The following LUZP2 variants were observed in gnomAD, a reference collection of about 807,000 sequenced individuals.
LUZP2 encodes leucine zipper protein 2.
Under a neutral mutation model 51.6 loss-of-function variants are expected in LUZP2, and 52 were observed. The ratio of observed to expected loss-of-function variants is 1.01; its 90% CI spans 0.81 to 1.27. LUZP2 has a LOEUF of 1.27. Among genes scored for constraint, LUZP2 ranks in the 50% most tolerant of loss-of-function variants. The probability of loss-of-function intolerance (pLI) is 0.00; values close to 1 mark genes in which losing one functional copy is unlikely to be tolerated. For missense variants in LUZP2, 436 were observed against 395.4 expected (o/e 1.10, Z -0.87); for synonymous variants, 154 against 137.3 (o/e 1.12, Z -0.85).
chr11:24,525,710 C>A lies in LUZP2; in HGVS notation c.62+28405C>A, dbSNP rs371401056. Among the ~76,000 whole-genome samples, 899 of 150,510 alleles carry A rather than the reference C, an allele frequency of 6.0e-3. 2 individuals are homozygous for A. The highest frequency in any genetic ancestry group is 5.1e-3 in the African/African-American group (210 of 41,188). Reference sequence around the variant, plus strand: ...GCAAATTCTCTAATATGTTCTCTCTCTATATATATATATACACAGATATAC... The same window carrying A: ...GCAAATTCTCTAATATGTTCTCTCTATATATATATATATACACAGATATAC... On this transcript the variant is annotated intron_variant, in intron 1 of 11. Coordinates refer to ENST00000336930, the MANE Select transcript of LUZP2 (RefSeq NM_001009909.4).
chr11:24,926,364 TATATATATACGTGTGTATATATATAC>T, intron 7 of LUZP2, among the ~76,000 whole-genome samples: 2 of 57,586 alleles, frequency 3.5e-5, no homozygotes, highest in East Asian at 1.3e-3. Flanking sequence ...TACGTGTGTA[TATATATATACGTGTGTATATATATAC>T]GTGTGTATAT....
At chr11:24,920,790 A>G (rs936160773) in intron 7 of LUZP2, among the ~76,000 whole-genome samples, 1 of 152,008 alleles carries the variant, frequency 6.6e-6, no homozygotes, top group African/African-American at 2.4e-5. Flanking sequence ...GAGTACTCAG[A>G]AGGGTTGTGG....
intron 1 of LUZP2, among the ~76,000 whole-genome samples, chr11:24,669,851 G>T (rs1252234303): frequency 1.3e-5 from 2 of 152,002 alleles, no homozygotes; most frequent in Non-Finnish European, 2.9e-5. Flanking sequence ...AAAGAGAGGA[G>T]AAATATAATT....
chr11:24,536,953 C>T lies in LUZP2; in HGVS notation c.62+39648C>T, dbSNP rs115182821. 8.7e-3 allele frequency among the ~76,000 whole-genome samples: 1,319 copies of T among 151,854 alleles called. 21 individuals carry two copies. Among genetic ancestry groups the T allele is most frequent in the African/African-American group, 0.03 (1,261 of 41,488 alleles). ...ACTAATTAGTCTAATTCCAATATGACTGCTTCTGAGGAAGAGGAAGGCCCA... is the reference window on the plus strand; with the variant it reads ...ACTAATTAGTCTAATTCCAATATGATTGCTTCTGAGGAAGAGGAAGGCCCA... On this transcript the variant is annotated intron_variant, in intron 1 of 11. Transcript: ENST00000336930.
chr11:24,925,362 A>G (rs1012936699), intron 7 of LUZP2, among the ~76,000 whole-genome samples: 2 of 152,164 alleles, frequency 1.3e-5, no homozygotes, highest in African/African-American at 4.8e-5. Flanking sequence ...AGTCCATTCA[A>G]TTGGTCAGGG....
rs1399031294 is a variant in LUZP2, at chr11:24,707,426, A to G, written c.63-21743A>G. ...AACACAGAAAAGCTTAACAGTTGTC[A>G]AATGTTGTTAGATGGACAACTAAAA... On this transcript the variant is annotated intron_variant, in intron 1 of 11. Transcript: ENST00000336930. 4.6e-5 allele frequency among the ~76,000 whole-genome samples: 7 copies of G among 152,126 alleles called. No homozygotes were observed. The East Asian group carries it at 1.2e-3, about 25-fold the overall frequency.
chr11:24,749,839 G>T (rs1859511287), intron 4 of LUZP2, among the ~76,000 whole-genome samples: 1 of 152,082 alleles, frequency 6.6e-6, no homozygotes, highest in Non-Finnish European at 1.5e-5. Context: ...ACAGACTGAA[G>T]GCTGCACTGT....
chr11:24,997,753 G>T (rs1237151880), intron 9 of LUZP2, among the ~76,000 whole-genome samples: 1 of 152,100 alleles, frequency 6.6e-6, no homozygotes, highest in Non-Finnish European at 1.5e-5. Context: ...ATGGTTTTAG[G>T]TCTGACATTT....
At chr11:24,782,050 C>A (rs1485273685) in intron 5 of LUZP2, among the ~76,000 whole-genome samples, 1 of 152,058 alleles carries the variant, frequency 6.6e-6, no homozygotes, top group Non-Finnish European at 1.5e-5. Flanking sequence ...TACTAACAAT[C>A]ATTCAGAGAG....
At chr11:24,549,295 T>C (rs1468246795) in intron 1 of LUZP2, among the ~76,000 whole-genome samples, 1 of 152,132 alleles carries the variant, frequency 6.6e-6, no homozygotes, top group Non-Finnish European at 1.5e-5. Flanking sequence ...TCAATATCAC[T>C]GTCACGCATC....
intron 1 of LUZP2, among the ~76,000 whole-genome samples, chr11:24,678,826 A>C (rs1049064510): frequency 1.3e-5 from 2 of 152,198 alleles, no homozygotes; most frequent in African/African-American, 4.8e-5. Flanking sequence ...AGGTGAATTT[A>C]TTTGTAAGAG....
At chr11:24,584,991 A>G (rs1284755549) in intron 1 of LUZP2, among the ~76,000 whole-genome samples, 2 of 152,186 alleles carry the variant, frequency 1.3e-5, no homozygotes, top group East Asian at 3.9e-4. Context: ...AGTAGATGCT[A>G]TCATTCCTTT....
intron 1 of LUZP2, among the ~76,000 whole-genome samples, chr11:24,531,497 C>A (rs1185277012): frequency 1.3e-5 from 2 of 150,772 alleles, no homozygotes; most frequent in African/African-American, 2.4e-5. Context: ...ATCATAGTCA[C>A]CCTATAGTGC....
intron 1 of LUZP2, among the ~76,000 whole-genome samples, chr11:24,696,079 A>G (rs1024643447): frequency 1.3e-5 from 2 of 152,144 alleles, no homozygotes; most frequent in African/African-American, 4.8e-5. Context: ...TAGACCTTGC[A>G]CACAAGGCTT....
At chr11:24,627,641 T>C (rs1349699935) in intron 1 of LUZP2, among the ~76,000 whole-genome samples, 1 of 152,184 alleles carries the variant, frequency 6.6e-6, no homozygotes, top group East Asian at 1.9e-4. Flanking sequence ...GTGTTCTGTT[T>C]GCAAAACCCA....
rs182160102 is a variant in LUZP2, at chr11:25,050,530, G to T, written c.858+400G>T. On this transcript the variant is annotated intron_variant, in intron 10 of 11. Coordinates refer to ENST00000336930, the MANE Select transcript of LUZP2 (RefSeq NM_001009909.4). ...CGTGTTAACCAGGCTGGTCTTGATC[G>T]CCTGACCTCGTGATCCGCCCACCTC... is the stretch of plus-strand genomic sequence containing the variant. Among the ~76,000 whole-genome samples the T allele has an allele frequency of 8.4e-3, 1,280 of 151,928 alleles. 16 individuals carry two copies. Among genetic ancestry groups the T allele is most frequent in the African/African-American group, 0.022 (897 of 41,434 alleles).
intron 1 of LUZP2, among the ~76,000 whole-genome samples, chr11:24,707,563 G>A (rs1340768638): frequency 6.6e-6 from 1 of 152,078 alleles, no homozygotes; most frequent in Non-Finnish European, 1.5e-5. Flanking sequence ...CCATGTACAA[G>A]CTGGAGAATC....
At chr11:25,020,520 A>G (rs1857301573) in intron 9 of LUZP2, among the ~76,000 whole-genome samples, 2 of 151,820 alleles carry the variant, frequency 1.3e-5, no homozygotes, top group South Asian at 4.2e-4. Context: ...TTGCAGCACT[A>G]TGCATCCTCT....
intron 1 of LUZP2, among the ~76,000 whole-genome samples, chr11:24,689,840 G>C (rs1857014823): frequency 6.6e-6 from 1 of 152,020 alleles, no homozygotes; most frequent in East Asian, 1.9e-4. Context: ...ATTGCTACCT[G>C]ATTTTTTAAA....
Sources: allele counts gnomAD v4.1 joint callset (sites outside exome capture counted in the v4.1 genomes callset), GRCh38; gene constraint gnomAD v4.1.1; transcripts MANE v1.5; gene names NCBI Gene and HGNC (gene_info 2026-07-23, HGNC 2026-07-21).